Variants in FHIT observed in about 807,000 individuals in gnomAD.
FHIT encodes bis(5'-adenosyl)-triphosphatase.
In FHIT, 19 loss-of-function variants were observed where a neutral mutation model predicts 17.9. That is an observed-to-expected ratio of 1.06 (90% CI 0.74 to 1.56). FHIT has a LOEUF of 1.56. Ranked by LOEUF, FHIT falls within the 40% of genes most tolerant of loss-of-function variation. The pLI is 0.00. For synonymous variants in FHIT, 81 were observed against 69.7 expected (o/e 1.16, Z -0.81); for missense variants, 248 against 189.2 (o/e 1.31, Z -1.82).
intron 2 of FHIT, among the ~76,000 whole-genome samples, chr3:61,108,172 A>C (rs971144466): frequency 6.6e-6 from 1 of 152,086 alleles, no homozygotes; most frequent in Non-Finnish European, 1.5e-5. Flanking sequence ...CTTTTGAGAA[A>C]TCTCTTATTA....
chr3:61,001,436 C>G (rs1245422662), intron 3 of FHIT, among the ~76,000 whole-genome samples: 1 of 152,042 alleles, frequency 6.6e-6, no homozygotes, highest in Non-Finnish European at 1.5e-5. Context: ...AATGGTCAAA[C>G]AAACTGTGAT....
intron 5 of FHIT, among the ~76,000 whole-genome samples, chr3:60,292,273 T>A (rs1039311347): frequency 6.6e-6 from 1 of 152,172 alleles, no homozygotes; most frequent in Non-Finnish European, 1.5e-5. Context: ...TAAGCAAGGC[T>A]GTTGTGAGAC....
In FHIT at chr3:60,304,964, A is replaced by G. The variant is rs991754212; in HGVS notation, c.103+231896T>C. 2.6e-5 allele frequency among the ~76,000 whole-genome samples: 4 copies of G among 152,160 alleles called. 1 individual carries two copies. The highest frequency in any genetic ancestry group is 7.2e-5 in the African/African-American group (3 of 41,458). ...ATTTGCTTTTGCTTTCCTACTACCC[A>G]GTCTGTGGCAATTGAGAAGGATACA... On this transcript the variant is annotated intron_variant, in intron 5 of 9. Coordinates refer to ENST00000492590, the MANE Select transcript of FHIT (RefSeq NM_002012.4).
chr3:60,907,324 A>G (rs2107251876), intron 3 of FHIT, among the ~76,000 whole-genome samples: 1 of 152,338 alleles, frequency 6.6e-6, no homozygotes, highest in African/African-American at 2.4e-5. Flanking sequence ...ATTGTGTGGT[A>G]TTCCACAATC....
At chr3:60,170,896 C>A (rs1701390698) in intron 5 of FHIT, among the ~76,000 whole-genome samples, 1 of 152,116 alleles carries the variant, frequency 6.6e-6, no homozygotes, top group Admixed American at 6.5e-5. Flanking sequence ...TTGAGCAACT[C>A]TCCTAAGAAC....
chr3:61,245,285 C>G (rs958887050), intron 1 of FHIT, among the ~76,000 whole-genome samples: 1 of 152,166 alleles, frequency 6.6e-6, no homozygotes, highest in African/African-American at 2.4e-5. Context: ...TAGAAATTAT[C>G]GCCCCCATTT....
At chr3:60,190,770 T>C (rs1222583251) in intron 5 of FHIT, among the ~76,000 whole-genome samples, 1 of 151,768 alleles carries the variant, frequency 6.6e-6, no homozygotes, top group African/African-American at 2.4e-5. Flanking sequence ...ATAATAATAA[T>C]AAAATTTAAA....
At chr3:60,919,963 G>A (rs1280235692) in intron 3 of FHIT, among the ~76,000 whole-genome samples, 1 of 151,660 alleles carries the variant, frequency 6.6e-6, no homozygotes, top group African/African-American at 2.4e-5. Flanking sequence ...GAACCAGGGA[G>A]ACAGAGGTTG....
intron 5 of FHIT, among the ~76,000 whole-genome samples, chr3:60,048,700 A>C (rs1446873758): frequency 6.6e-6 from 1 of 152,160 alleles, no homozygotes; most frequent in Admixed American, 6.6e-5. Context: ...ACATTCAACA[A>C]GTTCTGAGAA....
At chr3:60,800,523 G>A (rs527839051) in intron 4 of FHIT, among the ~76,000 whole-genome samples, 37 of 152,224 alleles carry the variant, frequency 2.4e-4, no homozygotes, top group Non-Finnish European at 3.8e-4. Flanking sequence ...TTTATTTTGG[G>A]AAAAGAACCC....
intron 5 of FHIT, among the ~76,000 whole-genome samples, chr3:60,255,936 G>C (rs1205999485): frequency 6.6e-6 from 1 of 152,128 alleles, no homozygotes; most frequent in African/African-American, 2.4e-5. Context: ...CTGTCCTTGA[G>C]GGGGATCTCA....
intron 7 of FHIT, among the ~76,000 whole-genome samples, chr3:60,007,813 G>A (rs73089935): frequency 0.18 from 26,925 of 152,082 alleles, 2,511 homozygotes; most frequent in Admixed American, 0.21. Flanking sequence ...CTTGGCATGT[G>A]AGTAGAGGGC....
chr3:60,170,693 C>G (rs1376134891), intron 5 of FHIT, among the ~76,000 whole-genome samples: 1 of 152,136 alleles, frequency 6.6e-6, no homozygotes, highest in East Asian at 1.9e-4. Context: ...CTGTCTAAAT[C>G]CTAGCAAGAT....
At chr3:60,595,530 C>CATAT (rs1462377318) in intron 4 of FHIT, among the ~76,000 whole-genome samples, 1 of 29,982 alleles carries the variant, frequency 3.3e-5, no homozygotes, top group African/African-American at 2.9e-4. Context: ...TGGACACACA[C>CATAT]ACATATATAT....
chr3:60,567,776 C>T (rs1363190682), intron 4 of FHIT, among the ~76,000 whole-genome samples: 3 of 152,084 alleles, frequency 2.0e-5, no homozygotes, highest in African/African-American at 4.8e-5. Flanking sequence ...AACAAACAGT[C>T]CCAGCAAAAA....
chr3:60,704,255 C>T (rs1401213413), intron 4 of FHIT, among the ~76,000 whole-genome samples: 1 of 152,150 alleles, frequency 6.6e-6, no homozygotes, highest in Non-Finnish European at 1.5e-5. Context: ...GTCTTCAAGT[C>T]ATTTACTACT....
intron 3 of FHIT, among the ~76,000 whole-genome samples, chr3:60,923,411 G>A (rs1707390282): frequency 2.0e-5 from 3 of 152,256 alleles, no homozygotes; most frequent in East Asian, 3.9e-4. Context: ...CAGGGCTACT[G>A]TGAGGATGAA....
At chr3:60,318,858 ATTCT>A in intron 5 of FHIT, among the ~76,000 whole-genome samples, 1 of 152,322 alleles carries the variant, frequency 6.6e-6, no homozygotes, top group South Asian at 2.1e-4. Context: ...TGGCAGGCTG[ATTCT>A]TTCTAGAGAT....
chr3:60,212,039 G>C (rs1397068831), intron 5 of FHIT, among the ~76,000 whole-genome samples: 2 of 152,090 alleles, frequency 1.3e-5, no homozygotes, highest in Admixed American at 1.3e-4. Flanking sequence ...CTTCCTAATT[G>C]ACTGTGGCCA....
Sources: gnomAD v4.1 joint callset for allele counts (sites outside exome capture counted in the v4.1 genomes callset) on GRCh38, gnomAD v4.1.1 for gene constraint, MANE v1.5 for transcripts, NCBI Gene and HGNC (gene_info 2026-07-23, HGNC 2026-07-21) for gene names.